Variants in UNCX observed in about 807,000 individuals in gnomAD.
The protein encoded by UNCX is UNC homeobox.
In UNCX, 4 loss-of-function variants were observed where a neutral mutation model predicts 14.8. The ratio of observed to expected loss-of-function variants is 0.27; its 90% CI spans 0.13 to 0.62. The LOEUF (loss-of-function observed/expected upper bound fraction) is 0.62, where lower values mean the gene tolerates loss of function less well. Ranked by LOEUF, UNCX falls within the 20% of genes least tolerant of loss-of-function variation. The pLI is 0.86. For missense variants in UNCX, 749 were observed against 786.8 expected (o/e 0.95, Z 0.58); for synonymous variants, 459 against 395.8 (o/e 1.16, Z -1.90).
chr7:1,236,852 C>T lies in UNCX; in HGVS notation c.1471C>T (p.Pro491Ser). 9.9e-7 allele frequency: 1 copy of T among 1,008,824 alleles called. No individual in the cohort carries two copies. The highest frequency in any genetic ancestry group is 1.2e-6 in the Non-Finnish European group (1 of 847,054). The allele number at this position is 1,008,824 out of a possible 1,614,324, so 62.5% of individuals were successfully genotyped here. A position where few individuals can be genotyped will look rare whatever the true frequency, so the allele number is the denominator to read the frequency against. ...CGGCCCCGCGCCCCCGCCGCCCGCG[C>T]CGTCGCCCAGGCCCGGCCCTCGGCC... ...TAGPAPPPPAPSPRPGPRPPS... is the reference protein window; with the variant it reads ...TAGPAPPPPASSPRPGPRPPS... The change falls in exon 3 of 3, where the codon CCG becomes TCG. Residue 491 changes from proline (P) to serine (S), a missense_variant. Transcript: ENST00000316333. The surrounding 1 kb of genome is among the most constrained non-coding windows in gnomAD (Gnocchi z 6.9).
chr7:1,234,084 C>CT (rs997895821), intron 2 of UNCX, among the ~76,000 whole-genome samples: 21 of 151,992 alleles, frequency 1.4e-4, no homozygotes, highest in African/African-American at 5.1e-4. Context: ...GGACCCCCCC[C>CT]CGCCCCCGCA....
At chr7:1,234,288 A>G (rs2128272483) in intron 2 of UNCX, among the ~76,000 whole-genome samples, 1 of 152,336 alleles carries the variant, frequency 6.6e-6, no homozygotes, top group South Asian at 2.1e-4. Context: ...AGGTGTCTGA[A>G]TTTTTAATAA....
In UNCX at chr7:1,233,178, T is replaced by C. The variant is rs755736495; in HGVS notation, c.161T>C (p.Ile54Thr). The change falls in exon 1 of 3, where the codon ATC (isoleucine) becomes ACC (threonine). Residue 54 changes from isoleucine to threonine, a missense_variant. Physicochemically the swap from Ile to Thr is moderately conservative, Grantham distance 89 (BLOSUM62 -1). Around this residue, in one of 3 missense-constraint regions of UNCX, gnomAD observed 155 missense variants for 166.7 expected, o/e 0.93. Transcript: ENST00000316333. This position sits in a 1 kb window ranked among gnomAD's most constrained non-coding sequence, Gnocchi z 5.3. ...AAAAASVPFS[I>T]DGLLGGSCAA... ...GCCGCCGCCTCGGTGCCCTTCTCCA[T>C]CGACGGCCTGCTCGGGGGCTCGTGC... is the stretch of plus-strand genomic sequence containing the variant. 948 of 1,459,660 alleles carry C rather than the reference T, an allele frequency of 6.5e-4. No individual in the cohort carries two copies. The highest frequency in any genetic ancestry group is 7.6e-4 in the Non-Finnish European group (840 of 1,109,900). The allele number at this position is 1,459,660 out of a possible 1,614,324, so 90.4% of individuals were successfully genotyped here.
At chr7:1,235,771 G>A in intron 2 of UNCX, 61 bp from the exon 3 acceptor site, 1 of 1,501,370 alleles carries the variant, frequency 6.7e-7, no homozygotes, top group Non-Finnish European at 9.1e-7. Flanking sequence ...GGAGGTCCTC[G>A]GCCCCGGCGG....
chr7:1,232,912 G>C lies in UNCX; in HGVS notation c.-106G>C, dbSNP rs1584080532. 4 of 520,226 alleles carry C rather than the reference G, an allele frequency of 7.7e-6. No individual in the cohort carries two copies. The highest frequency in any genetic ancestry group is 9.8e-6 in the Non-Finnish European group (4 of 406,602). 32.2% of individuals were successfully genotyped at this position (520,226 alleles called of 1,614,324 possible). On this transcript the variant is annotated 5_prime_UTR_variant, in exon 1 of 3. Transcript: ENST00000316333. ...GGGCGAAGCATGTGTGGGGCTCCGGGTCCCTGTCTCCGCCGCCGCCGCCCG... is the reference window on the plus strand; with the variant it reads ...GGGCGAAGCATGTGTGGGGCTCCGGCTCCCTGTCTCCGCCGCCGCCGCCCG...
Position 1,236,831 on chromosome 7 carries a change from C to T in UNCX, c.1450C>T (p.Pro484Ser), listed in dbSNP as rs1229724294. The T allele has an allele frequency of 2.1e-5, 21 of 989,944 alleles. No homozygotes were observed. The East Asian group carries it at 1.3e-3, about 63-fold the overall frequency. The allele number at this position is 989,944 out of a possible 1,614,324, so 61.3% of individuals were successfully genotyped here. A position where few individuals can be genotyped will look rare whatever the true frequency, so the allele number is the denominator to read the frequency against. The change falls in exon 3 of 3, where the codon CCC (proline) becomes TCC (serine). Residue 484 changes from proline (P) to serine (S), a missense_variant. Physicochemically the swap from Pro to Ser is moderately conservative, Grantham distance 74. Transcript: ENST00000316333. This position sits in a 1 kb window ranked among gnomAD's most constrained non-coding sequence, Gnocchi z 6.9. ...GDCADAGTAG[P>S]APPPPAPSPR... ...CTGCGCGGACGCGGGGACCGCCGGC[C>T]CCGCGCCCCCGCCGCCCGCGCCGTC... is the stretch of plus-strand genomic sequence containing the variant.
chr7:1,235,430 G>C (rs1402339018), intron 2 of UNCX, among the ~76,000 whole-genome samples: 3 of 152,364 alleles, frequency 2.0e-5, no homozygotes, highest in Non-Finnish European at 2.9e-5. Flanking sequence ...GTCAGCGCCA[G>C]GCCGGGCGGG....
At position 1,233,072 on chromosome 7, in the gene UNCX, G is replaced by A; in HGVS notation, c.55G>A (p.Gly19Ser). ...GCATGCCCAGTTCGGGGGCTCGCTG[G>A]GCGGCGTGGTGGGCTTCCCCTACCC... ...HPHAQFGGSL[G>S]GVVGFPYPLG... The change falls in exon 1 of 3, where the codon GGC becomes AGC. Residue 19 changes from glycine (G) to serine (S), a missense_variant. Around this residue, in one of 3 missense-constraint regions of UNCX, gnomAD observed 155 missense variants for 166.7 expected, o/e 0.93. Coordinates refer to ENST00000316333, the MANE Select transcript of UNCX (RefSeq NM_001080461.3). This position sits in a 1 kb window ranked among gnomAD's most constrained non-coding sequence, Gnocchi z 5.3. The A allele has an allele frequency of 7.0e-7, 1 of 1,430,354 alleles. No homozygotes were observed. The highest frequency in any genetic ancestry group is 1.4e-5 in the South Asian group (1 of 73,090). The allele number at this position is 1,430,354 out of a possible 1,614,324, so 88.6% of individuals were successfully genotyped here.
intron 2 of UNCX, among the ~76,000 whole-genome samples, chr7:1,235,501 C>T (rs757221816): frequency 3.9e-5 from 6 of 152,236 alleles, no homozygotes; most frequent in South Asian, 2.1e-4. Flanking sequence ...GCTCTCTAGC[C>T]TCCGGACCAG....
rs1200327566 is a variant in UNCX, at chr7:1,233,413, G to GCC, written c.275-106_275-105insCC. 2.7e-4 allele frequency: 291 copies of GCC among 1,086,756 alleles called. 1 individual carries two copies. Among genetic ancestry groups the GCC allele is most frequent in the Non-Finnish European group, 3.1e-4 (269 of 860,498 alleles). The allele number at this position is 1,086,756 out of a possible 1,614,324, so 67.3% of individuals were successfully genotyped here. ...AGCCGGCTCCTAGGCGGCCGTCTCT[G>GCC]CGCCCCCCCCCCCGGATCCAGGCGG... On this transcript the variant is annotated intron_variant, in intron 1 of 2. Coordinates refer to ENST00000316333, the MANE Select transcript of UNCX (RefSeq NM_001080461.3). The surrounding 1 kb of genome is among the most constrained non-coding windows in gnomAD (Gnocchi z 5.3).
In UNCX at chr7:1,236,059, C is replaced by T. The variant is rs1297287097; in HGVS notation, c.678C>T (p.Ser226=). 4.6e-5 allele frequency: 73 copies of T among 1,596,376 alleles called. No individual in the cohort carries two copies. The highest frequency in any genetic ancestry group is 6.0e-5 in the Non-Finnish European group (70 of 1,172,842). Residue 226 remains serine, a synonymous_variant, in exon 3 of 3, where the codon TCC becomes TCT. Coordinates refer to ENST00000316333, the MANE Select transcript of UNCX (RefSeq NM_001080461.3). The surrounding 1 kb of genome is among the most constrained non-coding windows in gnomAD (Gnocchi z 6.9). ...ACTTGCACTCGCCCGGCGGCCTGTC[C>T]CTGCACAGCGCGCCCAGCTCCGACA... ...GRHLHSPGGL[S]LHSAPSSDSD...
chr7:1,235,965 A>G lies in UNCX; in HGVS notation c.584A>G (p.Lys195Arg), dbSNP rs368899980. The G allele has an allele frequency of 2.1e-5, 34 of 1,611,832 alleles. No individual in the cohort carries two copies. Among genetic ancestry groups the G allele is most frequent in the Non-Finnish European group, 2.7e-5 (32 of 1,179,462 alleles). Residue 195 changes from lysine (K) to arginine (R), a missense_variant, in exon 3 of 3, where the codon AAG becomes AGG. This residue lies in a region of UNCX where 552 missense variants were observed against 507.2 expected (regional missense o/e 1.09). Coordinates refer to ENST00000316333, the MANE Select transcript of UNCX (RefSeq NM_001080461.3). ...ATGGACCCGGAGGAGATCGCGCGCA[A>G]GGAGCTGGAGAAGATGGAGAAGAAG... ...EPMDPEEIAR[K>R]ELEKMEKKKR...
Position 1,236,184 on chromosome 7 carries a change from C to A in UNCX, c.803C>A (p.Ala268Glu), listed in dbSNP as rs1243829245. 22 of 1,276,502 alleles carry A rather than the reference C, an allele frequency of 1.7e-5. No individual in the cohort carries two copies. In the East Asian group the frequency reaches 2.4e-4, roughly 14 times the overall value. The allele number at this position is 1,276,502 out of a possible 1,614,324, so 79.1% of individuals were successfully genotyped here. A position where few individuals can be genotyped will look rare whatever the true frequency, so the allele number is the denominator to read the frequency against. Residue 268 changes from alanine (A) to glutamate (E), a missense_variant, in exon 3 of 3, where the codon GCG becomes GAG. Ala to Glu is a moderately radical substitution (Grantham distance 107). Coordinates refer to ENST00000316333, the MANE Select transcript of UNCX (RefSeq NM_001080461.3). The surrounding 1 kb of genome is among the most constrained non-coding windows in gnomAD (Gnocchi z 6.9). ...GAHASGAAGT[A>E]PAPPGEPPAP... is the part of the protein sequence containing the mutation. ...CACGCCTCGGGCGCCGCGGGGACCG[C>A]GCCCGCCCCTCCCGGCGAGCCGCCT... is the stretch of plus-strand genomic sequence containing the variant.
At position 1,233,755 on chromosome 7, in the gene UNCX, G is replaced by A; in HGVS notation, c.450+60G>A. 4 of 1,544,494 alleles carry A rather than the reference G, an allele frequency of 2.6e-6. No individual in the cohort carries two copies. In the East Asian group the frequency reaches 9.5e-5, roughly 37 times the overall value. On this transcript the variant is annotated intron_variant, in intron 2 of 2. Coordinates refer to ENST00000316333, the MANE Select transcript of UNCX (RefSeq NM_001080461.3). This position sits in a 1 kb window ranked among gnomAD's most constrained non-coding sequence, Gnocchi z 5.3. ...CGGACCCCAGGCTCTGGGCGCGCCG[G>A]GACGCCTTTGTTCCAGGTGGCGAGA... is the stretch of plus-strand genomic sequence containing the variant.
At position 1,233,486 on chromosome 7, in the gene UNCX, G is replaced by T; in HGVS notation, c.275-34G>T. The T allele has an allele frequency of 6.3e-7, 1 of 1,575,868 alleles. No individual in the cohort carries two copies. On this transcript the variant is annotated intron_variant, in intron 1 of 2. Transcript: ENST00000316333. This position sits in a 1 kb window ranked among gnomAD's most constrained non-coding sequence, Gnocchi z 5.3. ...GGTGGGGGTCGGGCCTGGGCCGGTG[G>T]CTGAGCCGCGCTGCGTCCTGTGACT...
Position 1,236,314 on chromosome 7 carries a change from G to C in UNCX, c.933G>C (p.Gly311=). 7.6e-7 allele frequency: 1 copy of C among 1,307,978 alleles called. No individual in the cohort carries two copies. The highest frequency in any genetic ancestry group is 9.7e-7 in the Non-Finnish European group (1 of 1,028,532). 81.0% of individuals were successfully genotyped at this position (1,307,978 alleles called of 1,614,324 possible). Reference sequence around the variant, plus strand: ...CGGACAAGGACGCGGCCTCGTGCGGGCCAGGGGCCGCTGTGGCGGCGGTGG... The same window carrying C: ...CGGACAAGGACGCGGCCTCGTGCGGCCCAGGGGCCGCTGTGGCGGCGGTGG... The part of the protein sequence containing the change: ...RPADKDAASC[G]PGAAVAAVER... The change falls in exon 3 of 3, where the codon GGG becomes GGC. Residue 311 remains glycine (G), a synonymous_variant. Coordinates refer to ENST00000316333, the MANE Select transcript of UNCX (RefSeq NM_001080461.3). The surrounding 1 kb of genome is among the most constrained non-coding windows in gnomAD (Gnocchi z 6.9).
At chr7:1,235,595 G>T (rs1259153769) in intron 2 of UNCX, among the ~76,000 whole-genome samples, 1 of 152,252 alleles carries the variant, frequency 6.6e-6, no homozygotes, top group African/African-American at 2.4e-5. Flanking sequence ...AAGCCAGAGC[G>T]GGAAGCTGGC....
Position 1,236,931 on chromosome 7 carries a change from C to T in UNCX, c.1550C>T (p.Ala517Val). The T allele has an allele frequency of 6.7e-6, 8 of 1,194,850 alleles. No homozygotes were observed. Among genetic ancestry groups the T allele is most frequent in the Non-Finnish European group, 8.3e-6 (8 of 964,030 alleles). The allele number at this position is 1,194,850 out of a possible 1,614,324, so 74.0% of individuals were successfully genotyped here. The change falls in exon 3 of 3, where the codon GCG becomes GTG. Residue 517 changes from alanine to valine, a missense_variant. This residue lies in a region of UNCX where 552 missense variants were observed against 507.2 expected (regional missense o/e 1.09). Coordinates refer to ENST00000316333, the MANE Select transcript of UNCX (RefSeq NM_001080461.3). The surrounding 1 kb of genome is among the most constrained non-coding windows in gnomAD (Gnocchi z 6.9). ...ATCGVPEPGA[A>V]AGPSPPEGEE... ...TGCGGGGTTCCCGAGCCTGGCGCGG[C>T]GGCCGGACCCAGCCCGCCGGAGGGC...
Position 1,233,074 on chromosome 7 carries a change from C to A in UNCX, c.57C>A (p.Gly19=), listed in dbSNP as rs929879299. The change falls in exon 1 of 3, where the codon GGC becomes GGA. Residue 19 remains glycine, a synonymous_variant. Transcript: ENST00000316333. This position sits in a 1 kb window ranked among gnomAD's most constrained non-coding sequence, Gnocchi z 5.3. ...ATGCCCAGTTCGGGGGCTCGCTGGGCGGCGTGGTGGGCTTCCCCTACCCGC... is the reference window on the plus strand; with the variant it reads ...ATGCCCAGTTCGGGGGCTCGCTGGGAGGCGTGGTGGGCTTCCCCTACCCGC... ...HPHAQFGGSL[G]GVVGFPYPLG... The A allele has an allele frequency of 5.6e-6, 8 of 1,430,406 alleles. No homozygotes were observed. In the Admixed American group the frequency reaches 7.7e-5, roughly 14 times the overall value. 88.6% of individuals were successfully genotyped at this position (1,430,406 alleles called of 1,614,324 possible).
Sources: allele counts gnomAD v4.1 joint callset (sites outside exome capture counted in the v4.1 genomes callset), GRCh38; gene constraint gnomAD v4.1.1; regional missense constraint gnomAD v4.1.1; non-coding constraint Gnocchi (gnomAD v3.1); transcripts MANE v1.5; gene names NCBI Gene and HGNC (gene_info 2026-07-23, HGNC 2026-07-21).